SGCZ: variants seen among roughly 807,000 people sequenced by gnomAD.
SGCZ encodes the protein sarcoglycan zeta, also known as zeta-sarcoglycan.
A neutral mutation model predicts 41.3 loss-of-function variants in SGCZ; 40 were observed. The observed-to-expected ratio is 0.97, with a 90% confidence interval of 0.75 to 1.26. The LOEUF is 1.26. Among genes scored for constraint, SGCZ ranks in the 50% most tolerant of loss-of-function variants. The pLI, the probability that SGCZ is intolerant of heterozygous loss-of-function variation, is 0.00. For synonymous variants in SGCZ, 206 were observed against 137.5 expected (o/e 1.50, Z -3.49); for missense variants, 552 against 369.8 (o/e 1.49, Z -4.04).
At chr8:14,803,532 A>G (rs1381595900) in intron 1 of SGCZ, among the ~76,000 whole-genome samples, 1 of 152,068 alleles carries the variant, frequency 6.6e-6, no homozygotes, top group East Asian at 1.9e-4. Context: ...GGCTTAAAAA[A>G]CGGCGCACCA....
At chr8:14,101,676 T>C (rs1028535933) in intron 7 of SGCZ, among the ~76,000 whole-genome samples, 6 of 147,332 alleles carry the variant, frequency 4.1e-5, no homozygotes, top group Non-Finnish European at 3.0e-5. Context: ...AGTAAAACTT[T>C]TGTTTTCCTT....
chr8:14,916,119 CT>C (rs1476803273), intron 1 of SGCZ, among the ~76,000 whole-genome samples: 1 of 152,070 alleles, frequency 6.6e-6, no homozygotes, highest in Non-Finnish European at 1.5e-5. Flanking sequence ...AATTGAAATC[CT>C]TTTGCGTAGC....
chr8:14,321,369 C>A (rs1292514045), intron 3 of SGCZ, among the ~76,000 whole-genome samples: 1 of 151,956 alleles, frequency 6.6e-6, no homozygotes, highest in East Asian at 1.9e-4. Flanking sequence ...CCTTAAAAGT[C>A]TGTAGATATT....
At chr8:14,196,906 C>A (rs1156357668) in intron 4 of SGCZ, among the ~76,000 whole-genome samples, 1 of 151,816 alleles carries the variant, frequency 6.6e-6, no homozygotes, top group Non-Finnish European at 1.5e-5. Flanking sequence ...TCCAGAAATG[C>A]CATATTTATA....
At chr8:15,171,276 G>C (rs1799820836) in intron 1 of SGCZ, among the ~76,000 whole-genome samples, 1 of 152,180 alleles carries the variant, frequency 6.6e-6, no homozygotes, top group Admixed American at 6.5e-5. Context: ...AGATTGTGCA[G>C]GGTAAAAGAA....
At chr8:14,716,721 G>C (rs1809701579) in intron 1 of SGCZ, among the ~76,000 whole-genome samples, 1 of 151,938 alleles carries the variant, frequency 6.6e-6, no homozygotes, top group Non-Finnish European at 1.5e-5. Context: ...TAAATGCATA[G>C]TTCATTGAAA....
At chr8:14,721,023 C>A (rs1003223317) in intron 1 of SGCZ, among the ~76,000 whole-genome samples, 1 of 150,642 alleles carries the variant, frequency 6.6e-6, no homozygotes, top group Non-Finnish European at 1.5e-5. Flanking sequence ...CATAGCAGAC[C>A]ATTTTCTCCT....
At chr8:15,166,258 C>CT (rs1799662282) in intron 1 of SGCZ, among the ~76,000 whole-genome samples, 2 of 85,338 alleles carry the variant, frequency 2.3e-5, no homozygotes, top group Non-Finnish European at 4.8e-5. Context: ...TTTTTTTTTT[C>CT]TTTTTTTGAG....
At chr8:14,248,734 T>G (rs1238300880) in intron 3 of SGCZ, among the ~76,000 whole-genome samples, 1 of 121,174 alleles carries the variant, frequency 8.3e-6, no homozygotes, top group Non-Finnish European at 1.7e-5. Context: ...TAATTACATT[T>G]GTACTAGTTG....
At chr8:14,580,241 A>T (rs1804844302) in intron 1 of SGCZ, among the ~76,000 whole-genome samples, 1 of 152,244 alleles carries the variant, frequency 6.6e-6, no homozygotes, top group African/African-American at 2.4e-5. Flanking sequence ...TTTTGAAACT[A>T]GGAATCTTAG....
At chr8:14,500,694 G>A (rs1398604653) in intron 2 of SGCZ, among the ~76,000 whole-genome samples, 2 of 151,928 alleles carry the variant, frequency 1.3e-5, no homozygotes, top group African/African-American at 4.8e-5. Context: ...AATGTAAAAT[G>A]TTGATTATTT....
chr8:14,600,894 G>C (rs911868427), intron 1 of SGCZ, among the ~76,000 whole-genome samples: 2 of 150,704 alleles, frequency 1.3e-5, no homozygotes, highest in Non-Finnish European at 2.9e-5. Context: ...CAAGCCTTCT[G>C]ATATTTTTTT....
chr8:14,978,550 CAG>C (rs1031894507), intron 1 of SGCZ, among the ~76,000 whole-genome samples: 20 of 142,266 alleles, frequency 1.4e-4, no homozygotes, highest in Admixed American at 1.4e-4. Context: ...AAATTTCTGT[CAG>C]AGAGACTTTT....
intron 1 of SGCZ, among the ~76,000 whole-genome samples, chr8:15,027,959 T>G (rs1300354678): frequency 6.6e-6 from 1 of 152,116 alleles, no homozygotes; most frequent in Admixed American, 6.5e-5. Flanking sequence ...CACCTTTATG[T>G]TAAGTTAAAA....
At chr8:14,354,517 A>G (rs1164812242) in intron 2 of SGCZ, among the ~76,000 whole-genome samples, 1 of 151,800 alleles carries the variant, frequency 6.6e-6, no homozygotes, top group African/African-American at 2.4e-5. Flanking sequence ...ATGATATTCC[A>G]ACACAGTAAT....
chr8:15,175,487 A>G (rs1799968475), intron 1 of SGCZ, among the ~76,000 whole-genome samples: 3 of 152,202 alleles, frequency 2.0e-5, no homozygotes, highest in Admixed American at 2.0e-4. Flanking sequence ...CTAAATGATG[A>G]GAACACATAG....
At chr8:15,182,018 A>C (rs151095564) in intron 1 of SGCZ, among the ~76,000 whole-genome samples, 1 of 152,318 alleles carries the variant, frequency 6.6e-6, no homozygotes, top group African/African-American at 2.4e-5. Flanking sequence ...CTCATCACTG[A>C]GTATCCATTC....
chr8:14,953,196 G>A (rs1166665262), intron 1 of SGCZ, among the ~76,000 whole-genome samples: 1 of 152,136 alleles, frequency 6.6e-6, no homozygotes, highest in Non-Finnish European at 1.5e-5. Flanking sequence ...TGTATAGGAA[G>A]CATGGCTGGG....
chr8:14,916,332 T>C (rs1347983218), intron 1 of SGCZ, among the ~76,000 whole-genome samples: 8 of 152,334 alleles, frequency 5.3e-5, no homozygotes, highest in African/African-American at 1.9e-4. Context: ...TCACATTTCT[T>C]ACTCAGGAAA....
Sources: allele counts gnomAD v4.1 joint callset (sites outside exome capture counted in the v4.1 genomes callset), GRCh38; gene constraint gnomAD v4.1.1; transcripts MANE v1.5; gene names NCBI Gene and HGNC (gene_info 2026-07-23, HGNC 2026-07-21).